Variants in NREP observed in about 807,000 individuals in gnomAD.
The protein encoded by NREP is neuronal regeneration related protein, also known as neuronal regeneration-related protein.
A neutral mutation model predicts 8.6 loss-of-function variants in NREP; 5 were observed. That is an observed-to-expected ratio of 0.58 (90% CI 0.30 to 1.22). The LOEUF is 1.22. Ranked by LOEUF, NREP falls within the 50% of genes most tolerant of loss-of-function variation. The probability of loss-of-function intolerance (pLI) is 0.07; values close to 1 mark genes in which losing one functional copy is unlikely to be tolerated. For synonymous variants in NREP, 27 were observed against 28.0 expected, an observed-to-expected ratio of 0.96 and a Z score of 0.11; for missense variants, 86 against 82.5, an observed-to-expected ratio of 1.04 and a Z score of -0.17.
At chr5:111,762,454 C>A (rs770969384), upstream of NREP, among the ~76,000 whole-genome samples, 3 of 151,954 alleles carry the variant, frequency 2.0e-5, no homozygotes, top group South Asian at 2.1e-4. Flanking sequence ...CCCCTCCCCC[C>A]ACACACCACC....
intron 2 of NREP, among the ~76,000 whole-genome samples, chr5:111,737,538 C>T (rs1251719826): frequency 6.6e-6 from 1 of 152,036 alleles, no homozygotes; most frequent in African/African-American, 2.4e-5. Flanking sequence ...GTCATTCTTG[C>T]GTTCTTGTGC....
intron 2 of NREP, among the ~76,000 whole-genome samples, chr5:111,961,014 CT>C: frequency 6.6e-6 from 1 of 152,302 alleles, no homozygotes. Flanking sequence ...AAAGTCCTGG[CT>C]TGGTCATATT....
At chr5:111,737,335 T>A (rs912683942) in intron 2 of NREP, among the ~76,000 whole-genome samples, 1 of 152,222 alleles carries the variant, frequency 6.6e-6, no homozygotes, top group Admixed American at 6.5e-5. Context: ...AATCTACTGT[T>A]AAATTCACTT....
rs1415204780 is a variant in NREP, at chr5:111,932,909, T to C, written c.135+42365A>G. On this transcript the variant is annotated intron_variant, in intron 2 of 3. Coordinates refer to the NREP transcript ENST00000395634. ...CTCCTACAGTGAGTAGGAAGACCAC[T>C]CACAGCAGTTGATTAGGACTTACCC... 2.0e-5 allele frequency among the ~76,000 whole-genome samples: 3 copies of C among 151,978 alleles called. No individual in the cohort carries two copies. In the East Asian group the frequency reaches 5.8e-4, roughly 29 times the overall value.
At chr5:111,923,228 G>T (rs1251763137) in intron 2 of NREP, among the ~76,000 whole-genome samples, 1 of 152,138 alleles carries the variant, frequency 6.6e-6, no homozygotes, top group African/African-American at 2.4e-5. Flanking sequence ...TTGGGCGCTT[G>T]TGCCTAGTGA....
chr5:111,733,588 G>A (rs1027053508), intron 3 of NREP: 1 of 151,960 alleles, frequency 6.6e-6, no homozygotes, highest in African/African-American at 2.4e-5. Context: ...GCATTTTGAA[G>A]ATGGGACACA....
chr5:111,965,539 G>A (rs1375637851), intron 2 of NREP, among the ~76,000 whole-genome samples: 2 of 151,954 alleles, frequency 1.3e-5, no homozygotes, highest in Non-Finnish European at 2.9e-5. Flanking sequence ...GCTCACCATT[G>A]CCCAGCTCCA....
chr5:111,840,537 C>T (rs1753004428), intron 2 of NREP, among the ~76,000 whole-genome samples: 1 of 152,034 alleles, frequency 6.6e-6, no homozygotes, highest in Non-Finnish European at 1.5e-5. Flanking sequence ...ACCTGCAGTC[C>T]AGTGCATTCT....
chr5:111,859,310 A>G (rs751538405), intron 2 of NREP, among the ~76,000 whole-genome samples: 4 of 152,214 alleles, frequency 2.6e-5, no homozygotes, highest in Non-Finnish European at 4.4e-5. Context: ...AGCTAGCCAA[A>G]AAAATCTCAG....
intron 2 of NREP, among the ~76,000 whole-genome samples, chr5:111,886,371 G>A (rs1267072386): frequency 1.3e-5 from 2 of 151,698 alleles, no homozygotes; most frequent in Non-Finnish European, 3.0e-5. Flanking sequence ...TACACTGTTG[G>A]TGGGACTGTA....
At chr5:111,848,669 C>T (rs1300258937) in intron 2 of NREP, among the ~76,000 whole-genome samples, 1 of 151,674 alleles carries the variant, frequency 6.6e-6, no homozygotes, top group Non-Finnish European at 1.5e-5. Flanking sequence ...TCCCCTGCCA[C>T]CTTGAAATGT....
intron 2 of NREP, among the ~76,000 whole-genome samples, chr5:111,922,612 C>T (rs568764001): frequency 6.6e-6 from 1 of 152,120 alleles, no homozygotes; most frequent in Non-Finnish European, 1.5e-5. Context: ...ATTTCACAAG[C>T]ATTAACAACC....
intron 2 of NREP, among the ~76,000 whole-genome samples, chr5:111,864,142 A>G (rs533547184): frequency 1.7e-4 from 26 of 152,290 alleles, no homozygotes; most frequent in African/African-American, 6.3e-4. Flanking sequence ...AATACTTGAC[A>G]TGTTCAATCC....
At chr5:111,921,641 C>T (rs192602688) in intron 2 of NREP, among the ~76,000 whole-genome samples, 44 of 152,102 alleles carry the variant, frequency 2.9e-4, no homozygotes, top group South Asian at 1.0e-3. Context: ...TTGGACAAGC[C>T]TTCATAGTAG....
At chr5:111,886,139 A>T (rs1460260547) in intron 2 of NREP, among the ~76,000 whole-genome samples, 2 of 152,162 alleles carry the variant, frequency 1.3e-5, no homozygotes, top group East Asian at 3.9e-4. Context: ...AAATCAAACA[A>T]CCCCATCAAA....
intron 2 of NREP, among the ~76,000 whole-genome samples, chr5:111,838,172 A>T (rs993403393): frequency 2.0e-5 from 3 of 152,212 alleles, no homozygotes; most frequent in African/African-American, 7.2e-5. Context: ...AGACTATTTC[A>T]ATATGTGATA....
chr5:111,832,506 G>T (rs1288501518), intron 2 of NREP, among the ~76,000 whole-genome samples: 1 of 152,026 alleles, frequency 6.6e-6, no homozygotes, highest in Non-Finnish European at 1.5e-5. Flanking sequence ...ACTCCTGCCT[G>T]GGTGACAGAG....
chr5:111,811,002 A>G (rs78101407), intron 2 of NREP, among the ~76,000 whole-genome samples: 1,819 of 152,346 alleles, frequency 0.012, 43 homozygotes, highest in African/African-American at 0.041. Context: ...AATAAAAAAA[A>G]CAAGGAGCTT....
intron 2 of NREP, among the ~76,000 whole-genome samples, chr5:111,903,328 G>C (rs1310644738): frequency 2.0e-5 from 3 of 151,990 alleles, no homozygotes; most frequent in Non-Finnish European, 4.4e-5. Flanking sequence ...CAAGTGATCT[G>C]CCTGCCTTGG....
Sources: allele counts gnomAD v4.1 joint callset (sites outside exome capture counted in the v4.1 genomes callset), GRCh38; gene constraint gnomAD v4.1.1; transcripts MANE v1.5; gene names NCBI Gene and HGNC (gene_info 2026-07-23, HGNC 2026-07-21).